Variants in XPNPEP1 observed in about 807,000 individuals in gnomAD.
XPNPEP1 encodes X-prolyl aminopeptidase 1.
Under a neutral mutation model 92.4 loss-of-function variants are expected in XPNPEP1, and 39 were observed. That is an observed-to-expected ratio of 0.42 (90% CI 0.33 to 0.55). The LOEUF (loss-of-function observed/expected upper bound fraction) is 0.55. Among genes scored for constraint, XPNPEP1 ranks in the 20% least tolerant of loss-of-function variants. XPNPEP1 has a pLI of 0.08. For synonymous variants in XPNPEP1, 307 were observed against 299.4 expected (o/e 1.03, Z -0.26); for missense variants, 654 against 856.1 (o/e 0.76, Z 2.95).
chr10:109,907,709 T>C lies in XPNPEP1; in HGVS notation c.228A>G (p.Pro76=). The C allele has an allele frequency of 3.1e-6, 5 of 1,614,136 alleles. No individual in the cohort carries two copies. Among genetic ancestry groups the C allele is most frequent in the South Asian group, 2.2e-5 (2 of 91,068 alleles). ...GCAGTACCTGATGAGCATCTCCCGATGGGATGATGTAGGCCTGGATCGGTT... is the reference window on the plus strand; with the variant it reads ...GCAGTACCTGATGAGCATCTCCCGACGGGATGATGTAGGCCTGGATCGGTT... ...VTEPIQAYII[P]SGDAHQSEYI... Residue 76 remains proline, a synonymous_variant, in exon 3 of 21, where the codon CCA becomes CCG. Transcript: ENST00000502935.
At position 109,891,873 on chromosome 10, in the gene XPNPEP1, C is replaced by T. The variant is rs1395283852; in HGVS notation, c.311-47G>A. On this transcript the variant is annotated intron_variant, in intron 4 of 20. Coordinates refer to ENST00000502935, the MANE Select transcript of XPNPEP1 (RefSeq NM_020383.4). ...AAAGAAGAAGAAAGGTTTCTAACAA[C>T]TGCTCAGAAGCTGCACAAAATGACA... is the stretch of plus-strand genomic sequence containing the variant. 5.7e-6 allele frequency: 9 copies of T among 1,587,092 alleles called. No individual in the cohort carries two copies. In the Admixed American group the frequency reaches 1.4e-4, roughly 24 times the overall value.
At chr10:109,888,377 C>T in intron 6 of XPNPEP1, 126 bp downstream of exon 6, 1 of 1,231,068 alleles carries the variant, frequency 8.1e-7, no homozygotes, top group Non-Finnish European at 1.1e-6. Context: ...TTCACCCTGA[C>T]CTCTACTATA....
chr10:109,897,169 G>C (rs969560781), intron 3 of XPNPEP1, among the ~76,000 whole-genome samples: 7 of 151,754 alleles, frequency 4.6e-5, no homozygotes, highest in African/African-American at 1.7e-4. Flanking sequence ...GAAGAAGCCA[G>C]AAATATGGGT....
intron 5 of XPNPEP1, among the ~76,000 whole-genome samples, chr10:109,889,065 C>A (rs1241960265): frequency 6.6e-6 from 1 of 152,226 alleles, no homozygotes; most frequent in Non-Finnish European, 1.5e-5. Context: ...CCCTCATCTG[C>A]AAGGGCAGGG....
At chr10:109,873,141 G>T (rs552434060) in intron 16 of XPNPEP1, among the ~76,000 whole-genome samples, 56 of 152,290 alleles carry the variant, frequency 3.7e-4, no homozygotes, top group Non-Finnish European at 7.6e-4. Flanking sequence ...ACTTACACCT[G>T]AGCTGCCCTA....
rs1391072840 is a variant in XPNPEP1, at chr10:109,890,549, T to TG, written c.415+1172_415+1173insC. The stretch of plus-strand genomic sequence containing the variant: ...TAACAGCCAGCTTCAAATGCCTGCC[T>TG]TTGTGTGTGTGTGTGTGTGTGTGTG... On this transcript the variant is annotated intron_variant, in intron 5 of 20. Coordinates refer to ENST00000502935, the MANE Select transcript of XPNPEP1 (RefSeq NM_020383.4). Among the ~76,000 whole-genome samples the TG allele has an allele frequency of 1.1e-4, 15 of 134,458 alleles. No individual in the cohort carries two copies. The East Asian group carries it at 3.0e-3, about 27-fold the overall frequency. The allele number at this position is 134,458 out of a possible 152,430, so 88.2% of individuals were successfully genotyped here.
intron 15 of XPNPEP1, among the ~76,000 whole-genome samples, chr10:109,874,002 T>G (rs1847632905): frequency 6.6e-6 from 1 of 152,136 alleles, no homozygotes; most frequent in African/African-American, 2.4e-5. Context: ...TGACCGCTAT[T>G]GGGTATGAGG....
At chr10:109,890,577 TGTGTGTGTGTGTGTGTGAGAGAGA>T (rs1848643228) in intron 5 of XPNPEP1, among the ~76,000 whole-genome samples, 2 of 91,546 alleles carry the variant, frequency 2.2e-5, no homozygotes, top group Non-Finnish European at 4.2e-5. Context: ...TGTGTGTGTG[TGTGTGTGTGTGTGTGTGAGAGAGA>T]GAGAGAGAGA....
chr10:109,898,768 C>T (rs545346782), intron 3 of XPNPEP1, among the ~76,000 whole-genome samples: 2 of 152,318 alleles, frequency 1.3e-5, no homozygotes, highest in South Asian at 4.1e-4. Flanking sequence ...TCTAGAGAGA[C>T]ACTAAAAGTT....
At chr10:109,923,312 G>A (rs1211432687) in intron 1 of XPNPEP1, 90 bp downstream of exon 1, 12 of 1,289,974 alleles carry the variant, frequency 9.3e-6, no homozygotes, top group Admixed American at 4.0e-5. Context: ...CCTCACCCGC[G>A]CGTCCCTGCC....
intron 2 of XPNPEP1, among the ~76,000 whole-genome samples, chr10:109,914,104 T>C (rs1018033904): frequency 2.7e-5 from 4 of 150,468 alleles, no homozygotes; most frequent in Non-Finnish European, 4.4e-5. Flanking sequence ...AAAAAACACA[T>C]GGTTCTCCTT....
At position 109,880,918 on chromosome 10, in the gene XPNPEP1, C is replaced by T. The variant is rs757308314; in HGVS notation, c.1055G>A (p.Cys352Tyr). ...SETIPKDHRC[C>Y]MPYTPICIAK... ...GATGCAGATGGGGGTGTAAGGCATA[C>T]AGCAGCGGTGGTCCTAGAGGCAAAG... The change falls in exon 11 of 21, where the codon TGT (cysteine) becomes TAT (tyrosine). Residue 352 changes from cysteine (C) to tyrosine (Y), a missense_variant. Cys to Tyr is a radical substitution (Grantham distance 194). Transcript: ENST00000502935. 1.2e-6 allele frequency: 2 copies of T among 1,614,014 alleles called. No homozygotes were observed. The highest frequency in any genetic ancestry group is 1.1e-5 in the South Asian group (1 of 91,026).
chr10:109,882,770 C>T, intron 9 of XPNPEP1, 128 bp from the exon 10 acceptor site: 1 of 948,748 alleles, frequency 1.1e-6, no homozygotes, highest in Non-Finnish European at 1.6e-6. Context: ...TCTCTCCTCC[C>T]CACTCCTTTC....
At chr10:109,903,294 G>A (rs1403004220) in intron 3 of XPNPEP1, among the ~76,000 whole-genome samples, 1 of 152,144 alleles carries the variant, frequency 6.6e-6, no homozygotes, top group Non-Finnish European at 1.5e-5. Context: ...CTCCCCTGGA[G>A]GTAAAGATTC....
At chr10:109,919,718 T>C (rs188466715) in intron 1 of XPNPEP1, among the ~76,000 whole-genome samples, 102 of 152,332 alleles carry the variant, frequency 6.7e-4, no homozygotes, top group African/African-American at 2.3e-3. Context: ...TCTATCCATA[T>C]AATGGAATGT....
chr10:109,865,978 G>A (rs1021080266), intron 20 of XPNPEP1, among the ~76,000 whole-genome samples: 1 of 152,190 alleles, frequency 6.6e-6, no homozygotes, highest in Non-Finnish European at 1.5e-5. Flanking sequence ...TAGACATGAT[G>A]GCAAAAGCTC....
intron 5 of XPNPEP1, among the ~76,000 whole-genome samples, chr10:109,890,550 T>TTGTGTGTGTGTGTG (rs768880431): frequency 4.8e-5 from 5 of 103,180 alleles, no homozygotes; most frequent in Admixed American, 9.2e-5. Flanking sequence ...ATGCCTGCCT[T>TTGTGTGTGTGTGTG]TGTGTGTGTG....
At chr10:109,914,009 T>C (rs1382087050) in intron 2 of XPNPEP1, among the ~76,000 whole-genome samples, 2 of 152,064 alleles carry the variant, frequency 1.3e-5, no homozygotes, top group African/African-American at 4.8e-5. Flanking sequence ...CATGCAATTA[T>C]AGCACTGATC....
At chr10:109,869,222 C>A (rs1296570407) in intron 19 of XPNPEP1, among the ~76,000 whole-genome samples, 1 of 152,210 alleles carries the variant, frequency 6.6e-6, no homozygotes, top group Non-Finnish European at 1.5e-5. Context: ...TGGGAGGTCA[C>A]TTCCAAGAAT....
Sources: allele counts gnomAD v4.1 joint callset (sites outside exome capture counted in the v4.1 genomes callset), GRCh38; gene constraint gnomAD v4.1.1; transcripts MANE v1.5; gene names NCBI Gene and HGNC (gene_info 2026-07-23, HGNC 2026-07-21).